Variants in DPP6 observed in about 807,000 individuals in gnomAD.
The protein encoded by DPP6 is dipeptidyl peptidase like 6.
A neutral mutation model predicts 122.6 loss-of-function variants in DPP6; 69 were observed. The ratio of observed to expected loss-of-function variants is 0.56; its 90% CI spans 0.46 to 0.69. DPP6 has a LOEUF of 0.69. DPP6 is among the 30% of genes least tolerant of loss of function. The pLI, the probability that DPP6 is intolerant of heterozygous loss-of-function variation, is 0.00. For missense variants in DPP6, 928 were observed against 1,116.9 expected (o/e 0.83, Z 2.41); for synonymous variants, 418 against 433.1 (o/e 0.97, Z 0.43).
rs193097410 is a variant in DPP6 at position 154,754,201 on chromosome 7, A to C, written c.884-15216A>C. ...TTCGTTGAAACTGTGTATTATAATG[A>C]GGCTTTCTGCAGCGCATCATAAAAG... On this transcript the variant is annotated intron_variant, in intron 8 of 25. Coordinates refer to ENST00000377770, the MANE Select transcript of DPP6 (RefSeq NM_130797.4). Among the ~76,000 whole-genome samples the C allele has an allele frequency of 7.2e-4, 109 of 152,354 alleles. 1 individual carries two copies. The highest frequency in any genetic ancestry group is 2.6e-3 in the African/African-American group (108 of 41,594).
chr7:154,153,971 T>C (rs1796556303), intron 1 of DPP6, among the ~76,000 whole-genome samples: 1 of 152,204 alleles, frequency 6.6e-6, no homozygotes, highest in African/African-American at 2.4e-5. Context: ...GTTTTAGCCA[T>C]AGTTCAATTA....
At chr7:154,543,498 A>G (rs929890755) in intron 4 of DPP6, among the ~76,000 whole-genome samples, 3 of 152,222 alleles carry the variant, frequency 2.0e-5, no homozygotes, top group Non-Finnish European at 2.9e-5. Context: ...CATTTTGTCA[A>G]TCCAGCAGGA....
chr7:154,093,134 C>T (rs1175818804), intron 1 of DPP6, among the ~76,000 whole-genome samples: 1 of 150,746 alleles, frequency 6.6e-6, no homozygotes. Flanking sequence ...TAACACACAT[C>T]CTACATATGA....
At chr7:153,941,873 G>GT (rs1417647126) in intron 1 of DPP6, among the ~76,000 whole-genome samples, 1 of 151,926 alleles carries the variant, frequency 6.6e-6, no homozygotes, top group African/African-American at 2.4e-5. Context: ...GTTTCTGTTT[G>GT]TCTCTCTCTC....
At chr7:154,635,057 T>C (rs1312431875) in intron 5 of DPP6, among the ~76,000 whole-genome samples, 1 of 152,190 alleles carries the variant, frequency 6.6e-6, no homozygotes, top group African/African-American at 2.4e-5. Flanking sequence ...AGTTACGAGA[T>C]ACAAGCTTGG....
In DPP6 at chr7:154,052,884, C is replaced by T. The variant is rs372298942; in HGVS notation, c.64C>T (p.Pro22Ser). Residue 22 changes from proline (P) to serine (S), a missense_variant, in exon 1 of 26, where the codon CCG becomes TCG. Coordinates refer to ENST00000377770, the MANE Select transcript of DPP6 (RefSeq NM_130797.4). This position sits in a 1 kb window ranked among gnomAD's most constrained non-coding sequence, Gnocchi z 4.8. ...CACCTCGAGGTCCTTCCCCGCGCCCCCGGAGGCGAGTCACCTCCTGGGCGG... is the reference window on the plus strand; with the variant it reads ...CACCTCGAGGTCCTTCCCCGCGCCCTCGGAGGCGAGTCACCTCCTGGGCGG... ...INTSRSFPAPPEASHLLGGQG... is the reference protein window; with the variant it reads ...INTSRSFPAPSEASHLLGGQG... 1 of 1,532,854 alleles carries T rather than the reference C, an allele frequency of 6.5e-7. No individual in the cohort carries two copies. The highest frequency in any genetic ancestry group is 8.8e-7 in the Non-Finnish European group (1 of 1,140,212). The allele number at this position is 1,532,854 out of a possible 1,614,324, so 95.0% of individuals were successfully genotyped here.
chr7:154,701,901 G>A (rs576360987), intron 7 of DPP6, among the ~76,000 whole-genome samples: 10 of 152,264 alleles, frequency 6.6e-5, no homozygotes, highest in African/African-American at 2.4e-4. Context: ...TCATCTCATT[G>A]CACTTCACTG....
chr7:154,110,393 G>A (rs1306976877), intron 1 of DPP6, among the ~76,000 whole-genome samples: 2 of 152,164 alleles, frequency 1.3e-5, no homozygotes, highest in East Asian at 1.9e-4. Context: ...TCAAAAAGAA[G>A]CATCACTCTG....
rs1804239462 is a variant in DPP6 at position 154,869,853 on chromosome 7, AC to A, written c.1813+1764del. Among the ~76,000 whole-genome samples, 3 of 17,564 alleles carry A rather than the reference AC, an allele frequency of 1.7e-4. No homozygotes were observed. In the East Asian group the frequency reaches 0.012, roughly 68 times the overall value. 11.5% of individuals were successfully genotyped at this position (17,564 alleles called of 152,430 possible). ...CGCTCCCGCCCCCACCCCCACCCCC[AC>A]CCCTGCCCCCAACACACTCACATGT... On this transcript the variant is annotated intron_variant, in intron 18 of 25. Transcript: ENST00000377770.
intron 10 of DPP6, among the ~76,000 whole-genome samples, chr7:154,785,745 T>A (rs1357307833): frequency 6.6e-6 from 1 of 152,254 alleles, no homozygotes; most frequent in Non-Finnish European, 1.5e-5. Flanking sequence ...TCTAAAAGAT[T>A]AAAATCAATA....
rs1207091536 is a variant in DPP6 at position 154,794,189 on chromosome 7, G to A, written c.1247G>A (p.Gly416Glu). The change falls in exon 11 of 26, where the codon GGG (glycine) becomes GAG (glutamate). Residue 416 changes from glycine (G) to glutamate (E), a missense_variant. Transcript: ENST00000377770. Reference protein sequence around the residue: ...SILTLCDATTGVCTKKHEDES... With the variant: ...SILTLCDATTEVCTKKHEDES... ...CTCACCCTCTGCGACGCCACCACGG[G>A]GGTCTGCACGAAGGTACGCGGGGCT... 2 of 1,610,192 alleles carry A rather than the reference G, an allele frequency of 1.2e-6. No homozygotes were observed. The highest frequency in any genetic ancestry group is 1.3e-5 in the African/African-American group (1 of 74,850).
the DPP6 span, among the ~76,000 whole-genome samples, chr7:153,865,668 T>TATA: frequency 6.6e-6 from 1 of 152,164 alleles, no homozygotes; most frequent in Admixed American, 6.6e-5. Flanking sequence ...TTATTATTAC[T>TATA]ATATTTAAGT....
chr7:153,841,505 A>G, the DPP6 span, among the ~76,000 whole-genome samples: 9 of 152,320 alleles, frequency 5.9e-5, no homozygotes, highest in African/African-American at 2.2e-4. Flanking sequence ...TAAATTCTCT[A>G]AACACAAATT....
chr7:154,445,344 A>G (rs1183289470), intron 1 of DPP6, among the ~76,000 whole-genome samples: 1 of 152,158 alleles, frequency 6.6e-6, no homozygotes, highest in Non-Finnish European at 1.5e-5. Flanking sequence ...TATATTTATT[A>G]CTTATTATCA....
chr7:154,467,247 T>C lies in DPP6; in HGVS notation c.359-7692T>C, dbSNP rs541768868. ...GTAGCTGAGTAGTTTTATAAGCATG[T>C]TTTCTGCCTGAGAATTTTGGGGGTC... is the stretch of plus-strand genomic sequence containing the variant. On this transcript the variant is annotated intron_variant, in intron 2 of 25. Coordinates refer to ENST00000377770, the MANE Select transcript of DPP6 (RefSeq NM_130797.4). Among the ~76,000 whole-genome samples the C allele has an allele frequency of 2.0e-5, 3 of 152,158 alleles. No homozygotes were observed. In the South Asian group the frequency reaches 6.2e-4, roughly 32 times the overall value.
rs148009408 is a variant in DPP6, at chr7:154,303,974, C to T, written c.244-142240C>T. Among the ~76,000 whole-genome samples the T allele has an allele frequency of 2.7e-3, 414 of 152,320 alleles. 2 individuals carry two copies. Among genetic ancestry groups the T allele is most frequent in the African/African-American group, 9.4e-3 (390 of 41,570 alleles). The stretch of plus-strand genomic sequence containing the variant: ...GGGCTGAACAAGGGGAAATCTTCAA[C>T]ACCTTTTAAATGGAAGCATGTCTAG... On this transcript the variant is annotated intron_variant, in intron 1 of 25. Coordinates refer to ENST00000377770, the MANE Select transcript of DPP6 (RefSeq NM_130797.4).
At chr7:153,786,740 GAAAAAAAAAAA>G in the DPP6 span, among the ~76,000 whole-genome samples, 1 of 31,782 alleles carries the variant, frequency 3.1e-5, no homozygotes, top group Non-Finnish European at 6.4e-5. Context: ...CTCCGTCTCA[GAAAAAAAAAAA>G]AAAAAAAAAA....
At chr7:153,804,285 C>G in the DPP6 span, among the ~76,000 whole-genome samples, 1 of 152,146 alleles carries the variant, frequency 6.6e-6, no homozygotes, top group East Asian at 2.0e-4. Context: ...CTCCTGACCT[C>G]GGGTGATCCA....
rs1334509515 is a variant in DPP6, at chr7:154,557,357, G to A, written c.553-9485G>A. Among the ~76,000 whole-genome samples the A allele has an allele frequency of 3.3e-5, 5 of 152,134 alleles. No individual in the cohort carries two copies. In the South Asian group the frequency reaches 1.0e-3, roughly 32 times the overall value. The stretch of plus-strand genomic sequence containing the variant: ...GACCCTCCATCAAGGAATGTGACCC[G>A]GACTAATTTCTAAGTGTAAAAGTTG... On this transcript the variant is annotated intron_variant, in intron 4 of 25. Coordinates refer to ENST00000377770, the MANE Select transcript of DPP6 (RefSeq NM_130797.4).
Sources: gnomAD v4.1 joint callset for allele counts (sites outside exome capture counted in the v4.1 genomes callset) on GRCh38, gnomAD v4.1.1 for gene constraint, Gnocchi (gnomAD v3.1) non-coding constraint, MANE v1.5 for transcripts, NCBI Gene and HGNC (gene_info 2026-07-23, HGNC 2026-07-21) for gene names.